ZCWPW2: variants seen among roughly 807,000 people sequenced by gnomAD.
ZCWPW2 encodes zinc finger CW-type PWWP domain protein 2.
A neutral mutation model predicts 46.6 loss-of-function variants in ZCWPW2; 45 were observed. The ratio of observed to expected loss-of-function variants is 0.96; its 90% CI spans 0.76 to 1.24. ZCWPW2 has a LOEUF of 1.24. Among genes scored for constraint, ZCWPW2 ranks in the 50% most tolerant of loss-of-function variants. The probability of loss-of-function intolerance (pLI) is 0.00; values close to 1 mark genes in which losing one functional copy is unlikely to be tolerated. For missense variants in ZCWPW2, 429 were observed against 403.9 expected (o/e 1.06, Z -0.53); for synonymous variants, 152 against 137.1 (o/e 1.11, Z -0.76).
intron 6 of ZCWPW2, chr3:28,511,175 G>C (rs1227553754): frequency 2.5e-6 from 1 of 407,986 alleles, no homozygotes; most frequent in South Asian, 1.8e-5. Context: ...ACGGCAGTAA[G>C]GGAACTCAGG....
intron 1 of ZCWPW2, among the ~76,000 whole-genome samples, chr3:28,353,599 A>T (rs1046786188): frequency 6.6e-6 from 1 of 152,276 alleles, no homozygotes; most frequent in Admixed American, 6.5e-5. Flanking sequence ...TCCTAGACAT[A>T]CAATCTGTGC....
intron 1 of ZCWPW2, among the ~76,000 whole-genome samples, chr3:28,350,752 T>A (rs1054327648): frequency 6.6e-5 from 10 of 151,866 alleles, no homozygotes; most frequent in Non-Finnish European, 1.3e-4. Flanking sequence ...TATTAAAGGT[T>A]TATTATCAGG....
At chr3:28,515,917 C>A (rs1350389589) in intron 8 of ZCWPW2, among the ~76,000 whole-genome samples, 1 of 151,962 alleles carries the variant, frequency 6.6e-6, no homozygotes, top group Non-Finnish European at 1.5e-5. Context: ...ATTGAATTTT[C>A]TCTGTCTCAG....
At chr3:28,434,504 T>G (rs1322407892) in intron 3 of ZCWPW2, among the ~76,000 whole-genome samples, 5 of 152,232 alleles carry the variant, frequency 3.3e-5, no homozygotes, top group Non-Finnish European at 1.5e-5. Context: ...ATAAATTTTA[T>G]TTTCAATGTT....
At chr3:28,382,314 G>T (rs1021381301) in intron 1 of ZCWPW2, among the ~76,000 whole-genome samples, 1 of 152,096 alleles carries the variant, frequency 6.6e-6, no homozygotes, top group Non-Finnish European at 1.5e-5. Context: ...TTTTTGGCTT[G>T]TAGATGGCCA....
intron 1 of ZCWPW2, among the ~76,000 whole-genome samples, chr3:28,371,011 T>C (rs976889840): frequency 6.6e-6 from 1 of 152,092 alleles, no homozygotes; most frequent in African/African-American, 2.4e-5. Context: ...TGATTACAGG[T>C]GTGAACCACC....
At position 28,426,108 on chromosome 3, in the gene ZCWPW2, A is replaced by T. The variant is rs150331326; in HGVS notation, c.333-9002A>T. On this transcript the variant is annotated intron_variant, in intron 3 of 9. Transcript: ENST00000383768. The stretch of plus-strand genomic sequence containing the variant: ...TGGGCAACAAAAGCAAAACTCTGTC[A>T]CAAAAAAAAATTATATTTATATATA... Among the ~76,000 whole-genome samples the T allele has an allele frequency of 2.5e-3, 384 of 151,894 alleles. 1 individual carries two copies. The highest frequency in any genetic ancestry group is 8.4e-3 in the African/African-American group (348 of 41,488).
rs184996030 is a variant in ZCWPW2, at chr3:28,445,765, A to C, written c.492+10496A>C. Reference sequence around the variant, plus strand: ...TTAGTAGAATGAATAAAAAGACACGATCTTACTATCTGCTCTCTAACAAGA... The same window carrying C: ...TTAGTAGAATGAATAAAAAGACACGCTCTTACTATCTGCTCTCTAACAAGA... On this transcript the variant is annotated intron_variant, in intron 4 of 9. Transcript: ENST00000383768. Among the ~76,000 whole-genome samples, 245 of 152,260 alleles carry C rather than the reference A, an allele frequency of 1.6e-3. 3 individuals carry two copies. The highest frequency in any genetic ancestry group is 5.5e-3 in the African/African-American group (230 of 41,574).
At chr3:28,504,460 C>T (rs2125826871) in intron 6 of ZCWPW2, among the ~76,000 whole-genome samples, 1 of 151,702 alleles carries the variant, frequency 6.6e-6, no homozygotes, top group South Asian at 2.1e-4. Context: ...AATAATCAGG[C>T]TGGTTATCCT....
intron 4 of ZCWPW2, among the ~76,000 whole-genome samples, chr3:28,448,544 G>T (rs1356821863): frequency 6.6e-6 from 1 of 151,914 alleles, no homozygotes. Context: ...CAGCATTTTG[G>T]GAGGCTGAGG....
chr3:28,372,040 C>T (rs957180963), intron 1 of ZCWPW2, among the ~76,000 whole-genome samples: 2 of 151,380 alleles, frequency 1.3e-5, no homozygotes, highest in African/African-American at 4.9e-5. Context: ...TCCTCCTTCT[C>T]TTCCTGCCCC....
At chr3:28,414,287 A>G in intron 3 of ZCWPW2, among the ~76,000 whole-genome samples, 1 of 151,366 alleles carries the variant, frequency 6.6e-6, no homozygotes, top group Middle Eastern at 3.2e-3. Flanking sequence ...TTTCTTGTCA[A>G]AATTACAAAA....
chr3:28,426,234 A>T (rs1296412327), intron 3 of ZCWPW2, among the ~76,000 whole-genome samples: 1 of 152,002 alleles, frequency 6.6e-6, no homozygotes, highest in East Asian at 1.9e-4. Flanking sequence ...CACAATGTTT[A>T]AGCAGTCTTG....
intron 1 of ZCWPW2, among the ~76,000 whole-genome samples, chr3:28,387,164 C>T (rs2125714749): frequency 6.6e-6 from 1 of 152,268 alleles, no homozygotes; most frequent in Non-Finnish European, 1.5e-5. Flanking sequence ...TTGGTTTTCC[C>T]AGATCCCTCC....
In ZCWPW2 at chr3:28,413,332, A is replaced by C. The variant is rs554438215; in HGVS notation, c.264A>C (p.Gly88=). The C allele has an allele frequency of 1.9e-6, 3 of 1,613,198 alleles. No individual in the cohort carries two copies. In the African/African-American group the frequency reaches 4.0e-5, roughly 22 times the overall value. Residue 88 remains glycine (G), a synonymous_variant, in exon 3 of 10, where the codon GGA becomes GGC. Transcript: ENST00000383768. ...AAGAGTCTCAGCTTCATCAGTGTGGATTTAAGATTGTCTATTCACAGCTCC... is the reference window on the plus strand; with the variant it reads ...AAGAGTCTCAGCTTCATCAGTGTGGCTTTAAGATTGTCTATTCACAGCTCC... The part of the protein sequence containing the change: ...FPEESQLHQC[G]FKIVYSQLPL...
intron 9 of ZCWPW2, among the ~76,000 whole-genome samples, chr3:28,522,790 A>G (rs1700756573): frequency 6.6e-6 from 1 of 152,098 alleles, no homozygotes; most frequent in African/African-American, 2.4e-5. Context: ...CTTGTTTTCT[A>G]TGTATGGGTC....
chr3:28,460,876 C>G (rs1031184352), intron 4 of ZCWPW2: 6 of 174,626 alleles, frequency 3.4e-5, no homozygotes, highest in African/African-American at 1.4e-4. Flanking sequence ...ACATAAATCT[C>G]TAGGCAGATA....
chr3:28,440,280 A>G (rs900395794), intron 4 of ZCWPW2, among the ~76,000 whole-genome samples: 1 of 152,208 alleles, frequency 6.6e-6, no homozygotes, highest in African/African-American at 2.4e-5. Flanking sequence ...CCAGGTGGCA[A>G]TCTTGCAGTT....
intron 6 of ZCWPW2, among the ~76,000 whole-genome samples, chr3:28,504,442 A>G (rs1700225657): frequency 6.6e-6 from 1 of 151,680 alleles, no homozygotes; most frequent in Non-Finnish European, 1.5e-5. Flanking sequence ...ACAATGATCC[A>G]TGGGTTGAAT....
Sources: allele counts gnomAD v4.1 joint callset (sites outside exome capture counted in the v4.1 genomes callset), GRCh38; gene constraint gnomAD v4.1.1; transcripts MANE v1.5; gene names NCBI Gene and HGNC (gene_info 2026-07-23, HGNC 2026-07-21).